Variants in CALCRL observed in about 807,000 individuals in gnomAD.
CALCRL encodes calcitonin receptor like receptor.
CALCRL carries 27 observed loss-of-function variants against 60.4 expected under a neutral mutation model. The ratio of observed to expected loss-of-function variants is 0.45; its 90% CI spans 0.33 to 0.62. CALCRL has a LOEUF of 0.62. CALCRL is among the 20% of genes least tolerant of loss of function. The pLI is 0.03. For synonymous variants in CALCRL, 190 were observed against 182.6 expected, an observed-to-expected ratio of 1.04 and a Z score of -0.33; for missense variants, 424 against 540.7, an observed-to-expected ratio of 0.78 and a Z score of 2.14.
chr2:187,389,477 G>T (rs907726221), intron 1 of CALCRL, among the ~76,000 whole-genome samples: 1 of 152,048 alleles, frequency 6.6e-6, no homozygotes, highest in Non-Finnish European at 1.5e-5. Flanking sequence ...TAAATATATA[G>T]AAACCAATGA....
chr2:187,394,995 C>A (rs1688599876), intron 1 of CALCRL, among the ~76,000 whole-genome samples: 1 of 151,984 alleles, frequency 6.6e-6, no homozygotes, highest in Non-Finnish European at 1.5e-5. Flanking sequence ...AAATTACATG[C>A]TAGATATAAA....
chr2:187,440,383 A>T (rs72904333), intron 1 of CALCRL, among the ~76,000 whole-genome samples: 8,468 of 152,242 alleles, frequency 0.056, 398 homozygotes, highest in East Asian at 0.19. Context: ...AACATCTAAC[A>T]TCTTTTATTT....
intron 8 of CALCRL, among the ~76,000 whole-genome samples, chr2:187,366,916 AAC>A (rs1172946759): frequency 5.3e-5 from 5 of 94,816 alleles, no homozygotes; most frequent in African/African-American, 2.1e-4. Context: ...TTGTGAGTAT[AAC>A]CCCACACACA....
At chr2:187,447,868 T>C (rs1195082317) in intron 1 of CALCRL, among the ~76,000 whole-genome samples, 171 bp downstream of exon 1, 1 of 152,132 alleles carries the variant, frequency 6.6e-6, no homozygotes, top group Non-Finnish European at 1.5e-5. Flanking sequence ...AGTATTAGAT[T>C]TTGTATTCAT....
At chr2:187,445,186 C>G (rs370803241) in intron 1 of CALCRL, among the ~76,000 whole-genome samples, 1 of 151,536 alleles carries the variant, frequency 6.6e-6, no homozygotes, top group East Asian at 1.9e-4. Flanking sequence ...AACTAAGATA[C>G]GTTACACACT....
At chr2:187,446,498 T>C (rs1169387580) in intron 1 of CALCRL, among the ~76,000 whole-genome samples, 1 of 151,692 alleles carries the variant, frequency 6.6e-6, no homozygotes, top group African/African-American at 2.4e-5. Flanking sequence ...AAACAAAAAT[T>C]AAGGAAGTTT....
chr2:187,380,592 A>T lies in CALCRL; in HGVS notation c.296-13T>A, dbSNP rs756940241. ...TTTGTAACTTTTTCTTTAAAATTAA[A>T]AAAAAAGGGAAAACAGGAATTTAAT... On this transcript the variant is annotated splice_polypyrimidine_tract_variant and intron_variant, in intron 6 of 14. Coordinates refer to ENST00000392370, the MANE Select transcript of CALCRL (RefSeq NM_005795.6). 3.1e-6 allele frequency: 5 copies of T among 1,601,366 alleles called. No individual in the cohort carries two copies. The highest frequency in any genetic ancestry group is 3.4e-6 in the Non-Finnish European group (4 of 1,169,476).
chr2:187,435,256 G>A (rs1417678946), intron 1 of CALCRL, among the ~76,000 whole-genome samples: 2 of 152,112 alleles, frequency 1.3e-5, no homozygotes, highest in Non-Finnish European at 2.9e-5. Context: ...CAAAAGGGGA[G>A]CTGACATATC....
intron 1 of CALCRL, among the ~76,000 whole-genome samples, chr2:187,403,031 C>T (rs530826095): frequency 8.6e-5 from 13 of 151,644 alleles, no homozygotes; most frequent in East Asian, 1.9e-4. Flanking sequence ...AGATACAACC[C>T]GGAAGAGGGC....
intron 1 of CALCRL, among the ~76,000 whole-genome samples, chr2:187,439,316 C>T (rs1245606761): frequency 6.6e-6 from 1 of 152,044 alleles, no homozygotes; most frequent in African/African-American, 2.4e-5. Context: ...AATCCCATCT[C>T]TACTAAAAAT....
chr2:187,415,655 AC>A (rs3836095), intron 1 of CALCRL: 36,393 of 617,694 alleles, frequency 0.059, 1,273 homozygotes, highest in South Asian at 0.076. Flanking sequence ...CCCCTCAAGG[AC>A]ATTCTGGGCT....
rs774792248 is a variant in CALCRL, at chr2:187,352,179, G to A, written c.1063C>T (p.Arg355Ter). ...LGIEFVLIPWRPEGKIAEEVY... is the reference protein window; with the variant it reads ...LGIEFVLIPW Reference sequence around the variant, plus strand: ...TCCTCTGCAATCTTTCCTTCAGGTCGCCATGGAATCAGCACAAATTCAATG... The same window carrying A: ...TCCTCTGCAATCTTTCCTTCAGGTCACCATGGAATCAGCACAAATTCAATG... Residue 355 changes from arginine to a stop codon, truncating the protein, a stop_gained, in exon 13 of 15, where the codon CGA (arginine) becomes TGA (stop). Coordinates refer to ENST00000392370, the MANE Select transcript of CALCRL (RefSeq NM_005795.6). LOFTEE classifies it high-confidence loss of function. The A allele has an allele frequency of 1.2e-6, 2 of 1,612,164 alleles. No homozygotes were observed. The highest frequency in any genetic ancestry group is 1.3e-5 in the African/African-American group (1 of 74,720).
intron 5 of CALCRL, among the ~76,000 whole-genome samples, chr2:187,381,365 C>T (rs1238361729): frequency 2.0e-5 from 3 of 152,080 alleles, no homozygotes; most frequent in African/African-American, 7.2e-5. Flanking sequence ...AAATAAAGAA[C>T]TTCTTACATT....
intron 14 of CALCRL, among the ~76,000 whole-genome samples, chr2:187,351,620 T>G (rs1686536343): frequency 6.6e-6 from 1 of 151,818 alleles, no homozygotes; most frequent in Non-Finnish European, 1.5e-5. Flanking sequence ...TGGCACTGTA[T>G]CTGGGGAAAA....
chr2:187,430,895 A>C (rs1690375309), intron 1 of CALCRL, among the ~76,000 whole-genome samples: 1 of 152,064 alleles, frequency 6.6e-6, no homozygotes, highest in Non-Finnish European at 1.5e-5. Flanking sequence ...ATATATCCAT[A>C]TAATTATGGT....
intron 8 of CALCRL, among the ~76,000 whole-genome samples, chr2:187,374,611 C>A (rs956360833): frequency 3.3e-5 from 5 of 151,924 alleles, no homozygotes; most frequent in African/African-American, 1.2e-4. Flanking sequence ...TCAGTGTTCC[C>A]CAGGTCTTTG....
At chr2:187,446,203 C>T (rs1472011181) in intron 1 of CALCRL, among the ~76,000 whole-genome samples, 1 of 151,608 alleles carries the variant, frequency 6.6e-6, no homozygotes, top group Non-Finnish European at 1.5e-5. Flanking sequence ...GAAACATCTT[C>T]TAGCAAAGTA....
chr2:187,343,636 A>G lies in CALCRL; in HGVS notation c.*2548T>C, dbSNP rs1686169630. On this transcript the variant is annotated 3_prime_UTR_variant, in exon 15 of 15. Transcript: ENST00000392370. ...AAATTAGAATTTAGAAAATTAAAATATGACTTTCACAAGTAATCACAGTAA... is the reference window on the plus strand; with the variant it reads ...AAATTAGAATTTAGAAAATTAAAATGTGACTTTCACAAGTAATCACAGTAA... 6.6e-6 allele frequency: 1 copy of G among 151,692 alleles called. No individual in the cohort carries two copies. Among genetic ancestry groups the G allele is most frequent in the African/African-American group, 2.4e-5 (1 of 41,414 alleles). The allele number at this position is 151,692 out of a possible 1,614,324, so 9.4% of individuals were successfully genotyped here.
At chr2:187,446,330 C>T (rs1691183168) in intron 1 of CALCRL, among the ~76,000 whole-genome samples, 1 of 151,600 alleles carries the variant, frequency 6.6e-6, no homozygotes, top group South Asian at 2.1e-4. Flanking sequence ...CCAGTTATGT[C>T]CTCAAATATT....
Sources: allele counts gnomAD v4.1 joint callset (sites outside exome capture counted in the v4.1 genomes callset), GRCh38; gene constraint gnomAD v4.1.1; transcripts MANE v1.5; gene names NCBI Gene and HGNC (gene_info 2026-07-23, HGNC 2026-07-21).